SYK: variants seen among roughly 807,000 people sequenced by gnomAD.
SYK encodes tyrosine-protein kinase SYK.
In SYK, 16 loss-of-function variants were observed where a neutral mutation model predicts 77.8. The ratio of observed to expected loss-of-function variants is 0.21; its 90% confidence interval spans 0.14 to 0.31. The LOEUF (loss-of-function observed/expected upper bound fraction) is 0.31, where lower values mean the gene tolerates loss of function less well. Ranked by LOEUF, SYK falls within the 10% of genes least tolerant of loss-of-function variation. The pLI, the probability that SYK is intolerant of heterozygous loss-of-function variation, is 1.00. For missense variants in SYK, 529 were observed against 814.4 expected (o/e 0.65, Z 4.26); for synonymous variants, 312 against 308.7 (o/e 1.01, Z -0.11).
Position 90,897,406 on chromosome 9 carries a change from ATC to A in SYK, c.*1808_*1809del. On this transcript the variant is annotated 3_prime_UTR_variant, in exon 14 of 14. Transcript: ENST00000375754. ...AAATTAGAAAGATCAATGACAAAAT[ATC>A]TGTCAGCCAGGCCACAAACAGGTGT... The A allele has an allele frequency of 4.3e-6, 1 of 232,060 alleles. No individual in the cohort carries two copies. Among genetic ancestry groups the A allele is most frequent in the East Asian group, 6.1e-5 (1 of 16,428 alleles). 14.4% of individuals were successfully genotyped at this position (232,060 alleles called of 1,614,324 possible). A position where few individuals can be genotyped will look rare whatever the true frequency, so the allele number is the denominator to read the frequency against.
intron 1 of SYK, among the ~76,000 whole-genome samples, chr9:90,836,975 A>C (rs1450125952): frequency 6.6e-6 from 1 of 152,122 alleles, no homozygotes; most frequent in African/African-American, 2.4e-5. Flanking sequence ...ATTCCTTATG[A>C]TTTTCTTAAT....
At chr9:90,880,684 G>C (rs1044784648) in intron 11 of SYK, among the ~76,000 whole-genome samples, 1 of 152,206 alleles carries the variant, frequency 6.6e-6, no homozygotes, top group Non-Finnish European at 1.5e-5. Flanking sequence ...CAAACTTACT[G>C]CCAAAAACAC....
At chr9:90,856,018 T>C (rs1827025427) in intron 3 of SYK, among the ~76,000 whole-genome samples, 1 of 152,194 alleles carries the variant, frequency 6.6e-6, no homozygotes, top group African/African-American at 2.4e-5. Context: ...AAATACTGTA[T>C]TATTGGACTG....
chr9:90,887,678 C>T (rs2118969976), intron 11 of SYK, 71 bp from the exon 12 acceptor site: 1 of 1,494,184 alleles, frequency 6.7e-7, no homozygotes, highest in Non-Finnish European at 9.0e-7. Flanking sequence ...GCTGGGATTA[C>T]AGGCATGAAC....
At chr9:90,811,216 G>GA (rs1224392551) in intron 1 of SYK, among the ~76,000 whole-genome samples, 21 of 151,794 alleles carry the variant, frequency 1.4e-4, no homozygotes, top group African/African-American at 3.1e-4. Flanking sequence ...ACAAATAAGT[G>GA]AAAAAAATGG....
Position 90,843,949 on chromosome 9 carries a change from C to A in SYK, c.51C>A (p.Phe17Leu). ...GCGCCAACCACCTGCCCTTCTTTTTCGGCAACATCACCCGGGAGGAGGCAG... is the reference window on the plus strand; with the variant it reads ...GCGCCAACCACCTGCCCTTCTTTTTAGGCAACATCACCCGGGAGGAGGCAG... ...ADSANHLPFFFGNITREEAED... is the reference protein window; with the variant it reads ...ADSANHLPFFLGNITREEAED... Residue 17 changes from phenylalanine to leucine, a missense_variant, in exon 2 of 14, where the codon TTC becomes TTA. Physicochemically the swap from Phe to Leu is conservative, Grantham distance 22. This residue lies in a region of SYK where 321 missense variants were observed against 433.1 expected (regional missense o/e 0.74). Transcript: ENST00000375754. The A allele has an allele frequency of 1.9e-6, 3 of 1,572,132 alleles. No homozygotes were observed. The highest frequency in any genetic ancestry group is 1.2e-5 in the South Asian group (1 of 84,110).
intron 13 of SYK, among the ~76,000 whole-genome samples, chr9:90,893,309 A>C (rs1244605906): frequency 6.6e-6 from 1 of 152,218 alleles, no homozygotes; most frequent in Non-Finnish European, 1.5e-5. Context: ...TGCCTGCAGC[A>C]CAGAAGCACA....
intron 3 of SYK, among the ~76,000 whole-genome samples, chr9:90,850,770 T>TTAA (rs1826791209): frequency 7.7e-6 from 1 of 129,426 alleles, no homozygotes; most frequent in African/African-American, 2.8e-5. Flanking sequence ...GACTAAAAGG[T>TTAA]AAAAAAAAAA....
chr9:90,805,553 T>C (rs970790061), intron 1 of SYK, among the ~76,000 whole-genome samples: 2 of 152,220 alleles, frequency 1.3e-5, no homozygotes, highest in Non-Finnish European at 2.9e-5. Context: ...ATATCCACAG[T>C]TTAAATATTG....
chr9:90,821,516 G>A (rs1389267600), intron 1 of SYK, among the ~76,000 whole-genome samples: 2 of 152,180 alleles, frequency 1.3e-5, no homozygotes, highest in Non-Finnish European at 2.9e-5. Flanking sequence ...TCACTACCAT[G>A]AGAATAGCAT....
At chr9:90,877,422 C>A in intron 9 of SYK, 149 bp from the exon 10 acceptor site, 2 of 771,838 alleles carry the variant, frequency 2.6e-6, no homozygotes, top group Non-Finnish European at 4.2e-6. Flanking sequence ...GGCCAGCCAT[C>A]CATTACAGGC....
intron 1 of SYK, among the ~76,000 whole-genome samples, chr9:90,838,823 T>C (rs932068569): frequency 3.3e-5 from 5 of 152,218 alleles, no homozygotes; most frequent in Non-Finnish European, 5.9e-5. Flanking sequence ...CCATGAGCTG[T>C]TCCTGTAGTC....
At chr9:90,809,228 C>T (rs1028083908) in intron 1 of SYK, among the ~76,000 whole-genome samples, 5 of 152,128 alleles carry the variant, frequency 3.3e-5, no homozygotes, top group African/African-American at 7.2e-5. Context: ...ATTAGGATAC[C>T]GAGGGTCCAA....
intron 3 of SYK, among the ~76,000 whole-genome samples, chr9:90,859,008 C>T (rs1292338717): frequency 2.0e-5 from 3 of 152,210 alleles, no homozygotes; most frequent in African/African-American, 7.2e-5. Context: ...AAGCAAAGGG[C>T]ACTCTCTGTT....
At chr9:90,884,166 C>CATACACATACGTGTATATATACACGCAT (rs1828280736) in intron 11 of SYK, among the ~76,000 whole-genome samples, 2 of 77,614 alleles carry the variant, frequency 2.6e-5, no homozygotes, top group African/African-American at 1.1e-4. Context: ...TATATACACA[C>CATACACATACGTGTATATATACACGCAT]ATACACATAC....
intron 11 of SYK, among the ~76,000 whole-genome samples, chr9:90,887,109 C>G (rs142544021): frequency 9.9e-5 from 15 of 152,282 alleles, no homozygotes; most frequent in African/African-American, 3.6e-4. Context: ...AGGATATTTC[C>G]TGTCATAGCT....
intron 11 of SYK, 118 bp from the exon 12 acceptor site, chr9:90,887,631 G>A (rs570030777): frequency 6.0e-5 from 69 of 1,156,018 alleles, no homozygotes; most frequent in African/African-American, 5.4e-4. Context: ...TCAAGCTCCC[G>A]ATCTCAAGTG....
intron 6 of SYK, 111 bp from the exon 7 acceptor site, chr9:90,867,020 G>T (rs748991432): frequency 9.6e-6 from 11 of 1,148,284 alleles, no homozygotes; most frequent in Non-Finnish European, 1.4e-5. Flanking sequence ...AGGGACAGGA[G>T]GGGGTTAGTG....
chr9:90,883,232 G>A (rs951450001), intron 11 of SYK, among the ~76,000 whole-genome samples: 1 of 152,058 alleles, frequency 6.6e-6, no homozygotes, highest in African/African-American at 2.4e-5. Context: ...TGAGACACAA[G>A]CAAATCACAC....
Sources: gnomAD v4.1 joint callset for allele counts (sites outside exome capture counted in the v4.1 genomes callset) on GRCh38, gnomAD v4.1.1 for gene constraint, gnomAD v4.1.1 regional missense constraint, MANE v1.5 for transcripts, NCBI Gene and HGNC (gene_info 2026-07-23, HGNC 2026-07-21) for gene names.